CTNNBL1: variants seen among roughly 807,000 people sequenced by gnomAD.
The protein encoded by CTNNBL1 is beta-catenin-like protein 1.
Under a neutral mutation model 72.7 loss-of-function variants are expected in CTNNBL1, and 31 were observed. That is an observed-to-expected ratio of 0.43 (90% CI 0.32 to 0.58). CTNNBL1 has a LOEUF of 0.58. Among genes scored for constraint, CTNNBL1 ranks in the 20% least tolerant of loss-of-function variants. The probability of loss-of-function intolerance (pLI) is 0.08; values close to 1 mark genes in which losing one functional copy is unlikely to be tolerated. For missense variants in CTNNBL1, 534 were observed against 725.1 expected, an observed-to-expected ratio of 0.74 and a Z score of 3.03; for synonymous variants, 240 against 267.3, an observed-to-expected ratio of 0.90 and a Z score of 1.00.
At chr20:37,837,542 T>A (rs1387695762) in intron 11 of CTNNBL1, among the ~76,000 whole-genome samples, 1 of 152,218 alleles carries the variant, frequency 6.6e-6, no homozygotes, top group Non-Finnish European at 1.5e-5. Context: ...AAAAAGCTGT[T>A]TACCTGCTCC....
At position 37,857,999 on chromosome 20, in the gene CTNNBL1, C is replaced by T. The variant is rs753284098; in HGVS notation, c.1393-1900C>T. ...TGAACCTAGGAGCTCAAAGAACAGCCGAGGCAACATAGTGAGACCCTGTCT... is the reference window on the plus strand; with the variant it reads ...TGAACCTAGGAGCTCAAAGAACAGCTGAGGCAACATAGTGAGACCCTGTCT... On this transcript the variant is annotated intron_variant, in intron 13 of 15. Coordinates refer to ENST00000361383, the MANE Select transcript of CTNNBL1 (RefSeq NM_030877.5). 6.4e-4 allele frequency among the ~76,000 whole-genome samples: 98 copies of T among 152,136 alleles called. No individual in the cohort carries two copies. In the Middle Eastern group the frequency reaches 0.014, roughly 21 times the overall value.
intron 11 of CTNNBL1, among the ~76,000 whole-genome samples, chr20:37,818,551 C>G (rs2072079149): frequency 6.6e-6 from 1 of 152,194 alleles, no homozygotes; most frequent in Non-Finnish European, 1.5e-5. Context: ...AGACTACTGT[C>G]TTTGTCAAGA....
chr20:37,823,570 G>T (rs1002369127), intron 11 of CTNNBL1, among the ~76,000 whole-genome samples: 2 of 152,172 alleles, frequency 1.3e-5, no homozygotes, highest in Admixed American at 1.3e-4. Flanking sequence ...GAGCAGAAAG[G>T]CAGGACTGTC....
chr20:37,754,335 G>C (rs1477005049), intron 4 of CTNNBL1, among the ~76,000 whole-genome samples: 1 of 138,262 alleles, frequency 7.2e-6, no homozygotes, highest in African/African-American at 2.7e-5. Flanking sequence ...TGCCCAGGCT[G>C]GTTTCAAACT....
chr20:37,844,891 C>G lies in CTNNBL1; in HGVS notation c.1392+2472C>G, dbSNP rs138302588. ...TGAGCCTGAGAGGTAAGGGTTGCAACAAGCCGAGATTGTGCCACTGCACTC... is the reference window on the plus strand; with the variant it reads ...TGAGCCTGAGAGGTAAGGGTTGCAAGAAGCCGAGATTGTGCCACTGCACTC... On this transcript the variant is annotated intron_variant, in intron 13 of 15. Transcript: ENST00000361383. Among the ~76,000 whole-genome samples, 1,161 of 152,264 alleles carry G rather than the reference C, an allele frequency of 7.6e-3. 14 individuals are homozygous for G. Among genetic ancestry groups the G allele is most frequent in the African/African-American group, 0.026 (1,078 of 41,550 alleles).
At chr20:37,695,127 T>C (rs947913556) in intron 1 of CTNNBL1, 4 of 151,818 alleles carry the variant, frequency 2.6e-5, no homozygotes, top group African/African-American at 7.3e-5. Flanking sequence ...ATCAATTACA[T>C]TGGTTATTGG....
chr20:37,807,127 G>A (rs1375366519), intron 11 of CTNNBL1, among the ~76,000 whole-genome samples: 1 of 152,136 alleles, frequency 6.6e-6, no homozygotes, highest in Non-Finnish European at 1.5e-5. Context: ...GGTACAGATG[G>A]ATCTGCTGCT....
At chr20:37,713,472 A>G (rs2072957218) in intron 1 of CTNNBL1, among the ~76,000 whole-genome samples, 1 of 152,164 alleles carries the variant, frequency 6.6e-6, no homozygotes, top group African/African-American at 2.4e-5. Flanking sequence ...TAAAAAAGCA[A>G]TTTTTAGCTA....
intron 13 of CTNNBL1, among the ~76,000 whole-genome samples, chr20:37,844,099 C>T (rs1363443662): frequency 6.6e-6 from 1 of 152,188 alleles, no homozygotes; most frequent in African/African-American, 2.4e-5. Flanking sequence ...TGTACTCCTT[C>T]TCTTTATCTG....
At chr20:37,823,919 C>T (rs1311456837) in intron 11 of CTNNBL1, among the ~76,000 whole-genome samples, 2 of 152,152 alleles carry the variant, frequency 1.3e-5, no homozygotes, top group Non-Finnish European at 2.9e-5. Context: ...AGTGAGCAAA[C>T]CACTGAAAAG....
At chr20:37,820,061 G>A (rs2122768847) in intron 11 of CTNNBL1, among the ~76,000 whole-genome samples, 2 of 151,648 alleles carry the variant, frequency 1.3e-5, no homozygotes, top group South Asian at 2.1e-4. Context: ...ATTTTTAGTA[G>A]AGTCAGGGTT....
At chr20:37,769,393 C>T (rs937245425) in intron 7 of CTNNBL1, among the ~76,000 whole-genome samples, 7 of 152,112 alleles carry the variant, frequency 4.6e-5, no homozygotes, top group Non-Finnish European at 4.4e-5. Flanking sequence ...TATCTGTTTC[C>T]CTCTGCTTCT....
intron 1 of CTNNBL1, among the ~76,000 whole-genome samples, chr20:37,719,230 A>G (rs543189854): frequency 6.6e-6 from 1 of 152,282 alleles, no homozygotes; most frequent in East Asian, 1.9e-4. Context: ...GCTTGGCTGC[A>G]GTCACCCTAA....
At chr20:37,812,115 T>C (rs950364846) in intron 11 of CTNNBL1, among the ~76,000 whole-genome samples, 2 of 152,190 alleles carry the variant, frequency 1.3e-5, no homozygotes, top group African/African-American at 4.8e-5. Context: ...GCTAGTGGCC[T>C]TGGGCAAGTT....
rs886253006 is a variant in CTNNBL1 at position 37,765,240 on chromosome 20, G to T, written c.608G>T (p.Arg203Leu). 1.3e-6 allele frequency: 2 copies of T among 1,551,530 alleles called. No homozygotes were observed. Among genetic ancestry groups the T allele is most frequent in the Non-Finnish European group, 1.7e-6 (2 of 1,146,862 alleles). The stretch of plus-strand genomic sequence containing the variant: ...GCACTGCTGGTACAGAATCTGGAGC[G>T]CCTGGATGAGTCTGTGAAAGAGGAG... ...VVALLVQNLE[R>L]LDESVKEEAD... Residue 203 changes from arginine (R) to leucine (L), a missense_variant, in exon 6 of 16, where the codon CGC becomes CTC. By Grantham distance (102) the Arg-to-Leu change is moderately radical. Coordinates refer to ENST00000361383, the MANE Select transcript of CTNNBL1 (RefSeq NM_030877.5).
intron 1 of CTNNBL1, among the ~76,000 whole-genome samples, chr20:37,716,519 G>C (rs1478497833): frequency 2.6e-5 from 4 of 152,206 alleles, no homozygotes; most frequent in African/African-American, 9.7e-5. Flanking sequence ...TATTGGAAAT[G>C]GAGGTATTTT....
intron 7 of CTNNBL1, among the ~76,000 whole-genome samples, chr20:37,775,773 A>G (rs1488262830): frequency 6.6e-6 from 1 of 152,168 alleles, no homozygotes; most frequent in Admixed American, 6.5e-5. Context: ...CAACTTGAAA[A>G]CAGGAGCTTA....
chr20:37,706,915 G>A (rs974177317), intron 1 of CTNNBL1, among the ~76,000 whole-genome samples: 1 of 152,164 alleles, frequency 6.6e-6, no homozygotes, highest in Non-Finnish European at 1.5e-5. Flanking sequence ...GTGTGTGCAG[G>A]CATATAATTA....
At position 37,859,932 on chromosome 20, in the gene CTNNBL1, G is replaced by A. The variant is rs149088688; in HGVS notation, c.1426G>A (p.Asp476Asn). The change falls in exon 14 of 16, where the codon GAC becomes AAC. Residue 476 changes from aspartate to asparagine, a missense_variant. Coordinates refer to ENST00000361383, the MANE Select transcript of CTNNBL1 (RefSeq NM_030877.5). ...CCGGCGAGGAGAGATCATCGACAAT[G>A]ACACCGAGGAGGAGTTCTACCTCCG... ...MVRRGEIIDN[D>N]TEEEFYLRRL... 2 of 1,614,050 alleles carry A rather than the reference G, an allele frequency of 1.2e-6. No homozygotes were observed. The highest frequency in any genetic ancestry group is 1.3e-5 in the African/African-American group (1 of 74,936).
Sources: allele counts gnomAD v4.1 joint callset (sites outside exome capture counted in the v4.1 genomes callset), GRCh38; gene constraint gnomAD v4.1.1; transcripts MANE v1.5; gene names NCBI Gene and HGNC (gene_info 2026-07-23, HGNC 2026-07-21).